The following CLVS1 variants were observed in gnomAD, a reference collection of about 807,000 sequenced individuals.
CLVS1 encodes the protein clavesin-1.
A neutral mutation model predicts 33.1 loss-of-function variants in CLVS1; 10 were observed. The observed-to-expected ratio is 0.30, with a 90% CI of 0.19 to 0.51. The LOEUF (loss-of-function observed/expected upper bound fraction) is 0.51, where lower values mean the gene tolerates loss of function less well. Ranked by LOEUF, CLVS1 falls within the 20% of genes least tolerant of loss-of-function variation. CLVS1 has a pLI of 0.97. For missense variants in CLVS1, 343 were observed against 433.4 expected, an observed-to-expected ratio of 0.79 and a Z score of 1.85; for synonymous variants, 163 against 166.1, an observed-to-expected ratio of 0.98 and a Z score of 0.14.
intron 3 of CLVS1, among the ~76,000 whole-genome samples, chr8:61,400,417 T>C (rs1814703830): frequency 6.6e-6 from 1 of 152,216 alleles, no homozygotes; most frequent in Admixed American, 6.5e-5. Context: ...GCTTATCAGC[T>C]TAAGAAGCTT....
intron 1 of CLVS1, among the ~76,000 whole-genome samples, chr8:61,128,286 GC>G (rs1281215279): frequency 1.3e-5 from 2 of 152,136 alleles, no homozygotes; most frequent in Admixed American, 1.3e-4. Context: ...GAGGGGTAAG[GC>G]CTAAATTGCT....
intron 2 of CLVS1, among the ~76,000 whole-genome samples, chr8:61,198,552 G>T (rs1807663835): frequency 6.6e-6 from 1 of 152,070 alleles, no homozygotes; most frequent in African/African-American, 2.4e-5. Context: ...TCTAATTTTT[G>T]TATTTTTAGT....
At chr8:61,028,370 G>A in the CLVS1 span, among the ~76,000 whole-genome samples, 2 of 152,084 alleles carry the variant, frequency 1.3e-5, no homozygotes, top group Admixed American at 1.3e-4. Flanking sequence ...TGAATCATAC[G>A]GTAATTCTTA....
chr8:61,032,980 GGAAGGAAGGAAGGAAAGAAA>G, the CLVS1 span, among the ~76,000 whole-genome samples: 12 of 72,580 alleles, frequency 1.7e-4, no homozygotes, highest in African/African-American at 6.9e-4. Context: ...AAGGAAGGAA[GGAAGGAAGGAAGGAAAGAAA>G]GAAAGAAAGA....
chr8:61,214,919 T>G (rs747436547), intron 2 of CLVS1, among the ~76,000 whole-genome samples: 2 of 152,230 alleles, frequency 1.3e-5, no homozygotes, highest in African/African-American at 4.8e-5. Flanking sequence ...ATGGCTCATT[T>G]TGAATACCTC....
At chr8:61,371,421 A>G (rs185837142) in intron 2 of CLVS1, among the ~76,000 whole-genome samples, 14 of 152,184 alleles carry the variant, frequency 9.2e-5, no homozygotes, top group Admixed American at 5.9e-4. Context: ...GTTTGCAAAT[A>G]TTTTCTCCCA....
chr8:61,354,969 C>A (rs1812630772), intron 2 of CLVS1, among the ~76,000 whole-genome samples: 4 of 152,130 alleles, frequency 2.6e-5, no homozygotes, highest in African/African-American at 7.2e-5. Flanking sequence ...CACATACAAA[C>A]AAATTATTAC....
intron 2 of CLVS1, among the ~76,000 whole-genome samples, chr8:61,304,795 G>T (rs1810562796): frequency 6.6e-6 from 1 of 152,026 alleles, no homozygotes; most frequent in Non-Finnish European, 1.5e-5. Flanking sequence ...TTTTTTTCTG[G>T]ATTTCACTCA....
rs184164904 is a variant in CLVS1 at position 61,213,849 on chromosome 8, G to A, written c.-152+81989G>A. ...CTTAAACTCTGACCACCGGTGAGCC[G>A]GGTGGAACAGAGCCATATTTCTCTT... On this transcript the variant is annotated intron_variant, in intron 2 of 2. Transcript: ENST00000522621. Among the ~76,000 whole-genome samples, 828 of 152,276 alleles carry A rather than the reference G, an allele frequency of 5.4e-3. 31 individuals carry two copies. The East Asian group carries it at 0.11, about 20-fold the overall frequency.
At chr8:61,239,684 C>G (rs1585714305) in intron 2 of CLVS1, among the ~76,000 whole-genome samples, 1 of 152,046 alleles carries the variant, frequency 6.6e-6, no homozygotes, top group African/African-American at 2.4e-5. Context: ...TGCAAGTGAG[C>G]CAAGATTACA....
At chr8:61,342,580 G>T (rs1299527354) in intron 2 of CLVS1, among the ~76,000 whole-genome samples, 1 of 152,194 alleles carries the variant, frequency 6.6e-6, no homozygotes, top group Non-Finnish European at 1.5e-5. Flanking sequence ...TGCTGGGCCT[G>T]CATCTGGCAC....
the CLVS1 span, among the ~76,000 whole-genome samples, chr8:61,000,792 A>G: frequency 2.0e-5 from 3 of 152,088 alleles, no homozygotes; most frequent in Non-Finnish European, 4.4e-5. Context: ...CTTCACAGTG[A>G]CTGAACCCTC....
chr8:61,450,367 G>A (rs891878589), intron 3 of CLVS1, among the ~76,000 whole-genome samples: 1 of 152,122 alleles, frequency 6.6e-6, no homozygotes, highest in African/African-American at 2.4e-5. Flanking sequence ...TTGAGAGGTT[G>A]CAACTTTACA....
At chr8:61,188,305 C>T (rs781444484) in intron 2 of CLVS1, among the ~76,000 whole-genome samples, 30 of 152,060 alleles carry the variant, frequency 2.0e-4, no homozygotes, top group Non-Finnish European at 4.1e-4. Context: ...CAGAAGCAGA[C>T]AAGTGCTCTT....
intron 1 of CLVS1, among the ~76,000 whole-genome samples, chr8:61,099,327 C>T (rs554299108): frequency 1.3e-4 from 19 of 151,408 alleles, no homozygotes; most frequent in Middle Eastern, 3.4e-3. Flanking sequence ...CTCTGGAGAG[C>T]GGCTGGAGAG....
chr8:61,463,986 T>C (rs759204831), intron 5 of CLVS1, among the ~76,000 whole-genome samples: 2 of 151,540 alleles, frequency 1.3e-5, no homozygotes, highest in African/African-American at 4.9e-5. Context: ...GGTAGGAGAA[T>C]TGCTTGAACC....
intron 2 of CLVS1, among the ~76,000 whole-genome samples, chr8:61,184,045 T>C (rs1191992996): frequency 1.3e-5 from 2 of 152,186 alleles, no homozygotes; most frequent in African/African-American, 2.4e-5. Flanking sequence ...GAGATTGAAC[T>C]GGAATAAGGA....
intron 2 of CLVS1, among the ~76,000 whole-genome samples, chr8:61,166,118 C>T (rs1806860644): frequency 7.2e-6 from 1 of 137,946 alleles, no homozygotes; most frequent in East Asian, 2.0e-4. Flanking sequence ...TGCTTAAAAG[C>T]CCTTATTTAT....
Position 61,232,031 on chromosome 8 carries a change from T to TGTTTG in CLVS1, c.-151-67646_-151-67645insGTTTG, listed in dbSNP as rs1554548363. Among the ~76,000 whole-genome samples, 22 of 62,458 alleles carry TGTTTG rather than the reference T, an allele frequency of 3.5e-4. 1 individual carries two copies. The highest frequency in any genetic ancestry group is 6.2e-3 in the Middle Eastern group (1 of 162). The allele number at this position is 62,458 out of a possible 152,430, so 41.0% of individuals were successfully genotyped here. On this transcript the variant is annotated intron_variant, in intron 2 of 2. Coordinates refer to the CLVS1 transcript ENST00000522621. ...CCCTGAGGAAAGTTGTGGTTTTTTT[T>TGTTTG]TTTTTTTTTTTTTTTTTTTGTGAGA...
Sources: gnomAD v4.1 joint callset for allele counts (sites outside exome capture counted in the v4.1 genomes callset) on GRCh38, gnomAD v4.1.1 for gene constraint, MANE v1.5 for transcripts, NCBI Gene and HGNC (gene_info 2026-07-23, HGNC 2026-07-21) for gene names.